TMEM272: variants seen among roughly 807,000 people sequenced by gnomAD.
The protein encoded by TMEM272 is long intergenic non-protein coding RNA 282.
TMEM272 carries 8 observed loss-of-function variants against 3.7 expected under a neutral mutation model. The observed-to-expected ratio is 2.17, with a 90% CI of 1.27 to 3.91. TMEM272 has a LOEUF of 3.91. TMEM272 is among the 30% of genes most tolerant of loss of function. The probability of loss-of-function intolerance (pLI) is 0.00; values close to 1 mark genes in which losing one functional copy is unlikely to be tolerated. For synonymous variants in TMEM272, 63 were observed against 39.8 expected (o/e 1.58, Z -2.20); for missense variants, 166 against 91.5 (o/e 1.81, Z -3.32).
At chr13:51,902,450 C>G in the TMEM272 span, among the ~76,000 whole-genome samples, 3 of 152,194 alleles carry the variant, frequency 2.0e-5, no homozygotes, top group Non-Finnish European at 4.4e-5. Flanking sequence ...TGAACTGCTG[C>G]AATGTTGCAG....
chr13:51,823,527 C>T (rs1270857383), intron 3 of TMEM272, among the ~76,000 whole-genome samples: 1 of 152,228 alleles, frequency 6.6e-6, no homozygotes, highest in East Asian at 1.9e-4. Flanking sequence ...GTCCCCATGC[C>T]CCCTGAGCCA....
chr13:51,818,842 G>A (rs1176863919), intron 4 of TMEM272, among the ~76,000 whole-genome samples: 1 of 152,246 alleles, frequency 6.6e-6, no homozygotes, highest in East Asian at 1.9e-4. Context: ...CTAGCCTGGG[G>A]CCGCGTATTA....
At chr13:51,867,630 A>G in the TMEM272 span, among the ~76,000 whole-genome samples, 58 of 152,254 alleles carry the variant, frequency 3.8e-4, no homozygotes, top group African/African-American at 1.2e-3. Context: ...TGCATGGCCA[A>G]TGGAAAAATT....
At chr13:51,864,942 T>G in the TMEM272 span, among the ~76,000 whole-genome samples, 1 of 152,196 alleles carries the variant, frequency 6.6e-6, no homozygotes, top group Non-Finnish European at 1.5e-5. Context: ...CAGAGGACAT[T>G]CACACGTGAG....
chr13:51,825,732 A>T (rs1357939764), intron 3 of TMEM272, among the ~76,000 whole-genome samples: 4 of 150,552 alleles, frequency 2.7e-5, no homozygotes, highest in African/African-American at 9.8e-5. Context: ...AGTAGCTGGG[A>T]CTACAGGCAC....
At chr13:51,856,823 A>G in the TMEM272 span, among the ~76,000 whole-genome samples, 5 of 152,364 alleles carry the variant, frequency 3.3e-5, no homozygotes, top group African/African-American at 1.2e-4. Context: ...TTCTCAACAG[A>G]AACAACAGAA....
chr13:51,850,798 C>T, the TMEM272 span, among the ~76,000 whole-genome samples: 1 of 152,070 alleles, frequency 6.6e-6, no homozygotes, highest in African/African-American at 2.4e-5. Flanking sequence ...TGAATCCTAA[C>T]ATTATTAACG....
Position 51,817,178 on chromosome 13 carries a change from T to C in TMEM272, c.202-65A>G, listed in dbSNP as rs76098052. On this transcript the variant is annotated intron_variant, in intron 4 of 4. Transcript: ENST00000629372. Reference sequence around the variant, plus strand: ...GCAAAATAGACGGGAAGAGAGGGGATAGAAGGTAGCGGTGGTGGGGTGTTG... The same window carrying C: ...GCAAAATAGACGGGAAGAGAGGGGACAGAAGGTAGCGGTGGTGGGGTGTTG... The C allele has an allele frequency of 4.2e-3, 2,757 of 655,586 alleles. 24 individuals carry two copies. The highest frequency in any genetic ancestry group is 0.021 in the African/African-American group (1,173 of 56,060). 40.6% of individuals were successfully genotyped at this position (655,586 alleles called of 1,614,324 possible). A position where few individuals can be genotyped will look rare whatever the true frequency, so the allele number is the denominator to read the frequency against.
chr13:51,899,083 T>C, the TMEM272 span, among the ~76,000 whole-genome samples: 1 of 152,176 alleles, frequency 6.6e-6, no homozygotes, highest in African/African-American at 2.4e-5. Context: ...TGAAACTATC[T>C]CTATTCACAG....
At chr13:51,894,825 T>A in the TMEM272 span, among the ~76,000 whole-genome samples, 2 of 151,986 alleles carry the variant, frequency 1.3e-5, no homozygotes, top group Non-Finnish European at 2.9e-5. Context: ...TACATTGTAA[T>A]ATATAACGGA....
At chr13:51,864,535 A>T in the TMEM272 span, among the ~76,000 whole-genome samples, 1 of 152,234 alleles carries the variant, frequency 6.6e-6, no homozygotes, top group Non-Finnish European at 1.5e-5. Flanking sequence ...AGATTTACCC[A>T]TGCTGTTGTA....
At chr13:51,833,801 T>C (rs1360187305) in intron 2 of TMEM272, among the ~76,000 whole-genome samples, 2 of 152,164 alleles carry the variant, frequency 1.3e-5, no homozygotes, top group Non-Finnish European at 2.9e-5. Flanking sequence ...CCTTCCACAA[T>C]ACTGATGTTG....
the TMEM272 span, among the ~76,000 whole-genome samples, chr13:51,869,477 G>T: frequency 6.7e-6 from 1 of 150,116 alleles, no homozygotes; most frequent in African/African-American, 2.5e-5. Context: ...AAAAAACCCA[G>T]TCCCAATTCA....
the TMEM272 span, among the ~76,000 whole-genome samples, chr13:51,892,521 C>A: frequency 1.3e-5 from 2 of 152,092 alleles, no homozygotes; most frequent in African/African-American, 4.8e-5. Context: ...TTAGATTGAG[C>A]CAATGGAGGC....
At chr13:51,828,950 G>A (rs750085582) in intron 2 of TMEM272, among the ~76,000 whole-genome samples, 10 of 152,150 alleles carry the variant, frequency 6.6e-5, no homozygotes, top group Non-Finnish European at 7.3e-5. Context: ...CAGGAACAAC[G>A]AAGGAACTCC....
intron 2 of TMEM272, among the ~76,000 whole-genome samples, chr13:51,834,503 T>C (rs182327918): frequency 1.3e-5 from 2 of 152,330 alleles, no homozygotes. Flanking sequence ...AGTTTTGAAG[T>C]TTTAAAAGTA....
chr13:51,855,132 G>C, the TMEM272 span, among the ~76,000 whole-genome samples: 1 of 152,216 alleles, frequency 6.6e-6, no homozygotes, highest in African/African-American at 2.4e-5. Flanking sequence ...AGTCTGAACA[G>C]AGATTTCAGC....
the TMEM272 span, among the ~76,000 whole-genome samples, chr13:51,916,121 T>C: frequency 6.6e-6 from 1 of 152,196 alleles, no homozygotes; most frequent in Admixed American, 6.5e-5. Context: ...AACGTGTATG[T>C]GCTGGAGGGG....
the TMEM272 span, among the ~76,000 whole-genome samples, chr13:51,928,323 CA>C: frequency 6.6e-6 from 1 of 152,196 alleles, no homozygotes; most frequent in African/African-American, 2.4e-5. Flanking sequence ...CTCTTAACAG[CA>C]ACGATGACAA....
Sources: gnomAD v4.1 joint callset for allele counts (sites outside exome capture counted in the v4.1 genomes callset) on GRCh38, gnomAD v4.1.1 for gene constraint, MANE v1.5 for transcripts, NCBI Gene and HGNC (gene_info 2026-07-23, HGNC 2026-07-21) for gene names.